Variants in FBXL7 observed in about 807,000 individuals in gnomAD.
FBXL7 encodes F-box and leucine rich repeat protein 7, also known as F-box/LRR-repeat protein 7.
In FBXL7, 12 loss-of-function variants were observed where a neutral mutation model predicts 38.3. That is an observed-to-expected ratio of 0.31 (90% CI 0.20 to 0.51). The LOEUF is 0.51. Ranked by LOEUF, FBXL7 falls within the 20% of genes least tolerant of loss-of-function variation. The pLI is 0.98. For missense variants in FBXL7, 567 were observed against 676.4 expected, an observed-to-expected ratio of 0.84 and a Z score of 1.79; for synonymous variants, 297 against 300.9, an observed-to-expected ratio of 0.99 and a Z score of 0.13.
intron 2 of FBXL7, among the ~76,000 whole-genome samples, chr5:15,759,395 G>A (rs1337770959): frequency 6.6e-6 from 1 of 151,934 alleles, no homozygotes; most frequent in Non-Finnish European, 1.5e-5. Context: ...TTATGATAAT[G>A]AAATCATTTT....
chr5:15,585,199 G>A (rs1488033379), intron 1 of FBXL7, among the ~76,000 whole-genome samples: 2 of 152,110 alleles, frequency 1.3e-5, no homozygotes, highest in African/African-American at 4.8e-5. Flanking sequence ...ATAAGAAGGG[G>A]ACACATTTGT....
rs117928160 is a variant in FBXL7, at chr5:15,819,282, T to C, written c.128-108608T>C. Among the ~76,000 whole-genome samples the C allele has an allele frequency of 4.1e-4, 63 of 152,160 alleles. 1 individual carries two copies. The East Asian group carries it at 0.012, about 28-fold the overall frequency. The stretch of plus-strand genomic sequence containing the variant: ...GGATCCTGTAAGATAGGTGAATAAT[T>C]TTAATTTCTAATTATACTGTTGCAC... On this transcript the variant is annotated intron_variant, in intron 2 of 3. Coordinates refer to ENST00000504595, the MANE Select transcript of FBXL7 (RefSeq NM_012304.5).
At chr5:15,895,729 T>C (rs55753237) in intron 2 of FBXL7, among the ~76,000 whole-genome samples, 2,197 of 145,138 alleles carry the variant, frequency 0.015, 27 homozygotes, top group African/African-American at 0.027. Flanking sequence ...CTGCAAACTC[T>C]GCCTCCTGGG....
chr5:15,716,674 A>G (rs1744051102), intron 2 of FBXL7, among the ~76,000 whole-genome samples: 1 of 152,218 alleles, frequency 6.6e-6, no homozygotes, highest in African/African-American at 2.4e-5. Flanking sequence ...GCATCATGTT[A>G]AATTACAGAT....
chr5:15,899,806 A>C (rs1479842932), intron 2 of FBXL7, among the ~76,000 whole-genome samples: 2 of 152,230 alleles, frequency 1.3e-5, no homozygotes, highest in Non-Finnish European at 2.9e-5. Context: ...GAAGGGAAAG[A>C]GCTTTCAACA....
intron 2 of FBXL7, among the ~76,000 whole-genome samples, chr5:15,817,252 A>C (rs1286015118): frequency 2.0e-5 from 3 of 152,226 alleles, no homozygotes; most frequent in Non-Finnish European, 1.5e-5. Context: ...TTTAAGGACA[A>C]ACAATGCAGT....
chr5:15,651,036 G>T (rs1741690359), intron 2 of FBXL7, among the ~76,000 whole-genome samples: 1 of 151,250 alleles, frequency 6.6e-6, no homozygotes, highest in Admixed American at 6.6e-5. Context: ...CAGTTTTACA[G>T]ATTCATCAGA....
rs563691589 is a variant in FBXL7 at position 15,752,698 on chromosome 5, T to A, written c.127+136626T>A. On this transcript the variant is annotated intron_variant, in intron 2 of 3. Coordinates refer to ENST00000504595, the MANE Select transcript of FBXL7 (RefSeq NM_012304.5). ...AGACTTCTCATTGAATCAGCAGTGC[T>A]TTGTTTACTGTACTTTTTTATTACT... 2.2e-4 allele frequency among the ~76,000 whole-genome samples: 33 copies of A among 152,332 alleles called. No homozygotes were observed. The South Asian group carries it at 6.4e-3, about 30-fold the overall frequency.
At chr5:15,870,392 A>T (rs977920521) in intron 2 of FBXL7, among the ~76,000 whole-genome samples, 4 of 152,162 alleles carry the variant, frequency 2.6e-5, no homozygotes, top group African/African-American at 7.2e-5. Flanking sequence ...ACTCCAAGGC[A>T]CTGCTGGAGC....
intron 2 of FBXL7, among the ~76,000 whole-genome samples, chr5:15,810,559 C>T (rs1390479249): frequency 2.0e-5 from 2 of 99,744 alleles, no homozygotes; most frequent in African/African-American, 3.0e-5. Context: ...AAAACTCCGT[C>T]TCAAAAAAAA....
At chr5:15,880,649 C>CA (rs990345191) in intron 2 of FBXL7, among the ~76,000 whole-genome samples, 9 of 149,808 alleles carry the variant, frequency 6.0e-5, no homozygotes, top group Non-Finnish European at 1.2e-4. Context: ...GGATTGCAAA[C>CA]AAAAAACCTG....
intron 2 of FBXL7, among the ~76,000 whole-genome samples, chr5:15,663,342 A>G (rs1465595677): frequency 6.6e-6 from 1 of 152,168 alleles, no homozygotes; most frequent in Admixed American, 6.5e-5. Flanking sequence ...ATTTTTGTAC[A>G]TACATTTTGT....
intron 2 of FBXL7, among the ~76,000 whole-genome samples, chr5:15,866,690 G>T (rs568606263): frequency 8.3e-6 from 1 of 119,874 alleles, no homozygotes; most frequent in Admixed American, 1.2e-4. Flanking sequence ...AAGACCTGGC[G>T]TGTGTTGTTC....
At chr5:15,637,953 C>T (rs1363883740) in intron 2 of FBXL7, among the ~76,000 whole-genome samples, 1 of 152,152 alleles carries the variant, frequency 6.6e-6, no homozygotes, top group African/African-American at 2.4e-5. Context: ...TCTTTGAAAA[C>T]TGGGGGAAGT....
At chr5:15,900,859 A>C (rs911462593) in intron 2 of FBXL7, among the ~76,000 whole-genome samples, 4 of 152,236 alleles carry the variant, frequency 2.6e-5, no homozygotes, top group African/African-American at 9.6e-5. Flanking sequence ...CTTTAGAACA[A>C]GTTTACTTTA....
rs1013171282 is a variant in FBXL7, at chr5:15,735,488, T to C, written c.127+119416T>C. Among the ~76,000 whole-genome samples the C allele has an allele frequency of 2.6e-5, 4 of 152,160 alleles. No homozygotes were observed. In the East Asian group the frequency reaches 5.8e-4, roughly 22 times the overall value. On this transcript the variant is annotated intron_variant, in intron 2 of 3. Transcript: ENST00000504595. ...AGTCATTGGAAGGACACAGGTGCCA[T>C]GATCATGGAGAGGAAACATCAACTG...
chr5:15,690,798 G>T (rs1376947168), intron 2 of FBXL7, among the ~76,000 whole-genome samples: 1 of 152,172 alleles, frequency 6.6e-6, no homozygotes, highest in African/African-American at 2.4e-5. Flanking sequence ...AATGTTGTGG[G>T]GGTGGAGGAT....
intron 2 of FBXL7, among the ~76,000 whole-genome samples, chr5:15,873,560 C>A (rs1370392174): frequency 2.6e-5 from 4 of 152,034 alleles, no homozygotes; most frequent in Non-Finnish European, 5.9e-5. Flanking sequence ...CAAATATACA[C>A]AATAAAAGAA....
At chr5:15,760,165 T>C (rs972905875) in intron 2 of FBXL7, among the ~76,000 whole-genome samples, 7 of 152,084 alleles carry the variant, frequency 4.6e-5, no homozygotes, top group African/African-American at 1.7e-4. Flanking sequence ...CAGCCCCCTA[T>C]TGGGGTAAGA....
Sources: allele counts gnomAD v4.1 joint callset (sites outside exome capture counted in the v4.1 genomes callset), GRCh38; gene constraint gnomAD v4.1.1; transcripts MANE v1.5; gene names NCBI Gene and HGNC (gene_info 2026-07-23, HGNC 2026-07-21).